The following HDAC9 variants were observed in gnomAD, a reference collection of about 807,000 sequenced individuals.
HDAC9 encodes the protein MEF-2 interacting transcription repressor (MITR) protein.
HDAC9 carries 41 observed loss-of-function variants against 139.4 expected under a neutral mutation model. The observed-to-expected ratio is 0.29, with a 90% CI of 0.23 to 0.38. The LOEUF is 0.38. Among genes scored for constraint, HDAC9 ranks in the 10% least tolerant of loss-of-function variants. The pLI is 1.00. For synonymous variants in HDAC9, 517 were observed against 476.2 expected (o/e 1.09, Z -1.12); for missense variants, 1,147 against 1,297.0 (o/e 0.88, Z 1.78).
chr7:18,142,829 C>A (rs1786007246), intron 1 of HDAC9, among the ~76,000 whole-genome samples: 1 of 152,202 alleles, frequency 6.6e-6, no homozygotes, highest in Non-Finnish European at 1.5e-5. Context: ...TTCACAACTT[C>A]TGCCTCCTCC....
At chr7:18,100,157 AT>A (rs199829934) in intron 1 of HDAC9, among the ~76,000 whole-genome samples, 11 of 150,156 alleles carry the variant, frequency 7.3e-5, no homozygotes, top group East Asian at 2.0e-4. Flanking sequence ...TATCATTTGC[AT>A]TTTTTTTTAC....
chr7:18,177,823 G>A (rs1241689713), intron 2 of HDAC9, among the ~76,000 whole-genome samples: 1 of 152,170 alleles, frequency 6.6e-6, no homozygotes, highest in African/African-American at 2.4e-5. Flanking sequence ...CACACAAAAG[G>A]AGCCAAATAA....
At chr7:18,259,174 T>C (rs984613753) in intron 2 of HDAC9, among the ~76,000 whole-genome samples, 2 of 151,924 alleles carry the variant, frequency 1.3e-5, no homozygotes, top group African/African-American at 4.8e-5. Context: ...TTCACCATGT[T>C]GGCCAGGCTG....
At chr7:18,456,559 A>T (rs1166737617) in intron 1 of HDAC9, among the ~76,000 whole-genome samples, 1 of 152,084 alleles carries the variant, frequency 6.6e-6, no homozygotes. Flanking sequence ...GAGCTTATAT[A>T]TACTCACCAC....
chr7:18,743,056 G>T (rs75235099), intron 13 of HDAC9, among the ~76,000 whole-genome samples: 1 of 152,126 alleles, frequency 6.6e-6, no homozygotes, highest in African/African-American at 2.4e-5. Flanking sequence ...CATAATATCC[G>T]TAGTATATTC....
intron 13 of HDAC9, among the ~76,000 whole-genome samples, chr7:18,743,012 T>A (rs887820347): frequency 6.6e-6 from 1 of 152,230 alleles, no homozygotes; most frequent in African/African-American, 2.4e-5. Flanking sequence ...TAAATCATGT[T>A]CACTGAACGA....
At chr7:18,150,668 C>T (rs534295337) in intron 1 of HDAC9, among the ~76,000 whole-genome samples, 44 of 152,204 alleles carry the variant, frequency 2.9e-4, no homozygotes, top group Non-Finnish European at 5.7e-4. Flanking sequence ...ACTTTTCTGT[C>T]TGGGTATTCA....
chr7:18,844,349 C>T (rs765105463), intron 21 of HDAC9, among the ~76,000 whole-genome samples: 5 of 152,146 alleles, frequency 3.3e-5, no homozygotes, highest in Non-Finnish European at 5.9e-5. Flanking sequence ...CATTATCACT[C>T]ATATCTCAAC....
At chr7:18,098,913 C>G (rs1782677898) in intron 1 of HDAC9, among the ~76,000 whole-genome samples, 1 of 152,146 alleles carries the variant, frequency 6.6e-6, no homozygotes, top group African/African-American at 2.4e-5. Context: ...GAAGCTAGTA[C>G]TGCTTTGTTA....
At chr7:18,953,336 G>A (rs1036142134) in intron 23 of HDAC9, among the ~76,000 whole-genome samples, 2 of 152,232 alleles carry the variant, frequency 1.3e-5, no homozygotes, top group Non-Finnish European at 2.9e-5. Flanking sequence ...CTAGCCATGC[G>A]CTTTCTGCTG....
intron 16 of HDAC9, among the ~76,000 whole-genome samples, chr7:18,773,381 ACACACACACAC>A (rs1790485452): frequency 2.2e-5 from 2 of 89,812 alleles, no homozygotes; most frequent in African/African-American, 1.1e-4. Flanking sequence ...ACACACACAC[ACACACACACAC>A]ACACACACAC....
At chr7:18,908,505 A>G (rs957883722) in intron 22 of HDAC9, among the ~76,000 whole-genome samples, 3 of 152,042 alleles carry the variant, frequency 2.0e-5, no homozygotes, top group Non-Finnish European at 4.4e-5. Flanking sequence ...ATCTACCTGT[A>G]ATTTTGTATC....
intron 11 of HDAC9, among the ~76,000 whole-genome samples, chr7:18,664,627 G>A (rs1032837722): frequency 6.6e-5 from 10 of 151,450 alleles, no homozygotes; most frequent in African/African-American, 2.2e-4. Flanking sequence ...CCTTATTTCC[G>A]CCCCTGCTTC....
At chr7:18,706,705 G>A (rs1006749545) in intron 12 of HDAC9, among the ~76,000 whole-genome samples, 2 of 152,296 alleles carry the variant, frequency 1.3e-5, no homozygotes, top group South Asian at 4.1e-4. Context: ...CATCTAGTGG[G>A]TAGAGGTAAA....
At chr7:18,814,682 A>C (rs1191068418) in intron 17 of HDAC9, among the ~76,000 whole-genome samples, 2 of 152,182 alleles carry the variant, frequency 1.3e-5, no homozygotes, top group African/African-American at 4.8e-5. Flanking sequence ...ATGCCACATA[A>C]TTTAATTTCT....
chr7:18,286,747 T>A (rs1028998495), upstream of HDAC9, among the ~76,000 whole-genome samples: 1 of 152,092 alleles, frequency 6.6e-6, no homozygotes, highest in African/African-American at 2.4e-5. Context: ...ATTTTGTAAA[T>A]AGGAAAAAGG....
chr7:18,867,783 G>A (rs1377827796), intron 21 of HDAC9, among the ~76,000 whole-genome samples: 2 of 152,010 alleles, frequency 1.3e-5, no homozygotes, highest in Non-Finnish European at 2.9e-5. Flanking sequence ...GGGTCTCTCA[G>A]GGACTCCTAT....
intron 1 of HDAC9, among the ~76,000 whole-genome samples, chr7:18,392,313 T>TCACACACACACACA (rs772738821): frequency 3.6e-5 from 4 of 111,194 alleles, no homozygotes; most frequent in African/African-American, 1.4e-4. Context: ...TCTCTCTCTC[T>TCACACACACACACA]CTCACACACA....
chr7:18,725,272 AT>A (rs1030392238), intron 12 of HDAC9, among the ~76,000 whole-genome samples: 6 of 152,180 alleles, frequency 3.9e-5, no homozygotes, highest in African/African-American at 1.4e-4. Flanking sequence ...TTTTAATACT[AT>A]TTTTTGAAGT....
Sources: gnomAD v4.1 joint callset for allele counts (sites outside exome capture counted in the v4.1 genomes callset) on GRCh38, gnomAD v4.1.1 for gene constraint, MANE v1.5 for transcripts, NCBI Gene and HGNC (gene_info 2026-07-23, HGNC 2026-07-21) for gene names.